CTXN2: variants seen among roughly 807,000 people sequenced by gnomAD.
The protein encoded by CTXN2 is cortexin 2.
CTXN2 carries 3 observed loss-of-function variants against 5.7 expected under a neutral mutation model. That is an observed-to-expected ratio of 0.53 (90% CI 0.24 to 1.36). CTXN2 has a LOEUF of 1.36. Among genes scored for constraint, CTXN2 ranks in the 40% most tolerant of loss-of-function variants. The pLI, the probability that CTXN2 is intolerant of heterozygous loss-of-function variation, is 0.17. For synonymous variants in CTXN2, 38 were observed against 36.4 expected (o/e 1.04, Z -0.16); for missense variants, 87 against 93.0 (o/e 0.94, Z 0.26).
chr15:48,194,879 A>G (rs529838152), intron 1 of CTXN2, among the ~76,000 whole-genome samples: 1 of 152,268 alleles, frequency 6.6e-6, no homozygotes, highest in South Asian at 2.1e-4. Flanking sequence ...GGCAAAACTC[A>G]ACAATTCTTT....
chr15:48,188,020 A>T (rs2040775405), upstream of CTXN2, among the ~76,000 whole-genome samples: 1 of 152,082 alleles, frequency 6.6e-6, no homozygotes, highest in Non-Finnish European at 1.5e-5. Context: ...TCTGTATTTT[A>T]GTATCCTATT....
chr15:48,187,376 A>G (rs556648215), upstream of CTXN2, among the ~76,000 whole-genome samples: 1 of 152,228 alleles, frequency 6.6e-6, no homozygotes, highest in African/African-American at 2.4e-5. Flanking sequence ...TCTTTAATAC[A>G]TGTTTTAAAA....
At chr15:48,192,133 A>G in intron 1 of CTXN2, 1 of 230,194 alleles carries the variant, frequency 4.3e-6, no homozygotes, top group Non-Finnish European at 8.9e-6. Context: ...TTCTCCCATA[A>G]TGTTTTGTAG....
intron 1 of CTXN2, among the ~76,000 whole-genome samples, chr15:48,195,497 C>A (rs2040869489): frequency 6.6e-6 from 1 of 152,116 alleles, no homozygotes; most frequent in Non-Finnish European, 1.5e-5. Flanking sequence ...CTCCAACCTA[C>A]CTTTCCAACG....
upstream of CTXN2, chr15:48,191,619 C>A: frequency 2.3e-6 from 1 of 434,386 alleles, no homozygotes; most frequent in South Asian, 1.6e-5. Flanking sequence ...CGTTTTCCTG[C>A]AAACGCGCGC....
At chr15:48,200,603 A>G (rs1158268640) in intron 1 of CTXN2, among the ~76,000 whole-genome samples, 1 of 152,186 alleles carries the variant, frequency 6.6e-6, no homozygotes, top group East Asian at 1.9e-4. Context: ...GCTGCTTATT[A>G]CTTGCAAGCT....
chr15:48,201,315 C>G lies in CTXN2; in HGVS notation c.15C>G (p.Tyr5Ter). The G allele has an allele frequency of 6.4e-7, 1 of 1,551,268 alleles. No individual in the cohort carries two copies. The highest frequency in any genetic ancestry group is 8.7e-7 in the Non-Finnish European group (1 of 1,146,646). Reference sequence around the variant, plus strand: ...GCCAGTGAATAATGAGTAGTACCTACTGTGGCAACTCTTCAGCTAAGATGA... The same window carrying G: ...GCCAGTGAATAATGAGTAGTACCTAGTGTGGCAACTCTTCAGCTAAGATGA... MSST[Y>*]CGNSSAKMSV... Residue 5 changes from tyrosine (Y) to a stop codon, truncating the protein, a stop_gained, in exon 2 of 2, where the codon TAC (tyrosine) becomes TAG (stop). Coordinates refer to ENST00000417307, the MANE Select transcript of CTXN2 (RefSeq NM_001145668.2). LOFTEE classifies it high-confidence loss of function.
intron 1 of CTXN2, among the ~76,000 whole-genome samples, chr15:48,182,096 C>T (rs947019203): frequency 2.0e-5 from 3 of 152,094 alleles, no homozygotes; most frequent in Non-Finnish European, 4.4e-5. Flanking sequence ...CTCTCTTCTT[C>T]TCTTTTCCTC....
upstream of CTXN2, chr15:48,189,407 A>T (rs1251743168): frequency 6.6e-6 from 1 of 152,236 alleles, no homozygotes; most frequent in Non-Finnish European, 1.5e-5. Flanking sequence ...CAAGTCATAA[A>T]GTGACAAGTC....
At chr15:48,187,765 A>G (rs549551563), upstream of CTXN2, among the ~76,000 whole-genome samples, 1 of 152,212 alleles carries the variant, frequency 6.6e-6, no homozygotes, top group African/African-American at 2.4e-5. Context: ...CTAAATTCCT[A>G]TAGTTACCAT....
chr15:48,188,492 T>G (rs116596020), upstream of CTXN2, among the ~76,000 whole-genome samples: 1,261 of 152,290 alleles, frequency 8.3e-3, 11 homozygotes, highest in African/African-American at 0.029. Flanking sequence ...CATCTTTATA[T>G]AAGAAATAGT....
At chr15:48,188,238 A>G (rs1320051), upstream of CTXN2, among the ~76,000 whole-genome samples, 21,551 of 152,058 alleles carry the variant, frequency 0.14, 4,253 homozygotes, top group African/African-American at 0.42. Flanking sequence ...AAAAAAAGAA[A>G]AGATATAAAA....
intron 1 of CTXN2, among the ~76,000 whole-genome samples, chr15:48,180,610 C>G (rs1249674403): frequency 1.3e-5 from 2 of 152,228 alleles, no homozygotes; most frequent in African/African-American, 4.8e-5. Context: ...CTCCCGCGTT[C>G]ATACCGTTCT....
chr15:48,199,448 A>G (rs1395681376), intron 1 of CTXN2, among the ~76,000 whole-genome samples: 4 of 152,188 alleles, frequency 2.6e-5, no homozygotes, highest in Non-Finnish European at 1.5e-5. Flanking sequence ...GTTGTAGCCC[A>G]GCAAGTTTAT....
At chr15:48,189,563 A>G (rs1367985882), upstream of CTXN2, 7 of 152,220 alleles carry the variant, frequency 4.6e-5, no homozygotes, top group Non-Finnish European at 8.8e-5. Context: ...AGACTCAACT[A>G]TACCACTGGT....
chr15:48,186,560 G>A (rs933677724), intron 1 of CTXN2, among the ~76,000 whole-genome samples: 5 of 152,090 alleles, frequency 3.3e-5, no homozygotes, highest in African/African-American at 9.7e-5. Context: ...CCTAAAGGAA[G>A]ATCTCCAAGG....
In CTXN2 at chr15:48,191,876, G is replaced by GT. The variant is rs149211391; in HGVS notation, c.-58+24dup. On this transcript the variant is annotated intron_variant, in intron 1 of 1. Coordinates refer to ENST00000417307, the MANE Select transcript of CTXN2 (RefSeq NM_001145668.2). ...AAGGTGAGACATCGCTGTCTGCGAAGTAACTTTCTCCCCCTTCCCTCCGCA... is the reference window on the plus strand; with the variant it reads ...AAGGTGAGACATCGCTGTCTGCGAAGTTAACTTTCTCCCCCTTCCCTCCGCA... The GT allele has an allele frequency of 4.6e-3, 2,096 of 454,648 alleles. 41 individuals carry two copies. The highest frequency in any genetic ancestry group is 0.039 in the African/African-American group (1,944 of 50,096). 28.2% of individuals were successfully genotyped at this position (454,648 alleles called of 1,614,324 possible).
Position 48,201,566 on chromosome 15 carries a change from T to G in CTXN2, c.*20T>G, listed in dbSNP as rs953058398. On this transcript the variant is annotated 3_prime_UTR_variant, in exon 2 of 2. Transcript: ENST00000417307. ...GCGTGAGAGTTCCAGCTATATGGTT[T>G]TTATGGTTGTGCCATCGGGACACAT... 2 of 1,549,308 alleles carry G rather than the reference T, an allele frequency of 1.3e-6. No individual in the cohort carries two copies. The highest frequency in any genetic ancestry group is 1.7e-6 in the Non-Finnish European group (2 of 1,145,302).
upstream of CTXN2, among the ~76,000 whole-genome samples, chr15:48,187,914 A>G (rs1478188353): frequency 6.6e-6 from 1 of 152,176 alleles, no homozygotes; most frequent in Non-Finnish European, 1.5e-5. Flanking sequence ...ATCTATAATT[A>G]TATAAACTGA....
Sources: gnomAD v4.1 joint callset for allele counts (sites outside exome capture counted in the v4.1 genomes callset) on GRCh38, gnomAD v4.1.1 for gene constraint, MANE v1.5 for transcripts, NCBI Gene and HGNC (gene_info 2026-07-23, HGNC 2026-07-21) for gene names.